LIPT2: variants seen among roughly 807,000 people sequenced by gnomAD.
LIPT2 encodes lipoyl(octanoyl) transferase 2, also known as octanoyl-[acyl-carrier-protein]:protein N-octanoyltransferase LIPT2, mitochondrial.
LIPT2 carries 16 observed loss-of-function variants against 16.2 expected under a neutral mutation model. That is an observed-to-expected ratio of 0.99 (90% confidence interval 0.67 to 1.50). The LOEUF is 1.50. LIPT2 is among the 40% of genes most tolerant of loss of function. The pLI is 0.00. For synonymous variants in LIPT2, 199 were observed against 169.3 expected (o/e 1.18, Z -1.36); for missense variants, 424 against 347.7 (o/e 1.22, Z -1.75).
Position 74,493,329 on chromosome 11 carries a change from G to C in LIPT2, c.375C>G (p.Arg125=). The change falls in exon 1 of 2, where the codon CGC becomes CGG. Residue 125 remains arginine (R), a synonymous_variant. Coordinates refer to ENST00000310109, the MANE Select transcript of LIPT2 (RefSeq NM_001144869.3). ...HVASLEACAV[R]LCELQGLQDA... The stretch of plus-strand genomic sequence containing the variant: ...CCTGCAGGCCCTGGAGCTCGCACAG[G>C]CGCACGGCGCACGCCTCCAGCGACG... 2 of 1,481,620 alleles carry C rather than the reference G, an allele frequency of 1.3e-6. No individual in the cohort carries two copies. The highest frequency in any genetic ancestry group is 1.8e-6 in the Non-Finnish European group (2 of 1,120,964). 91.8% of individuals were successfully genotyped at this position (1,481,620 alleles called of 1,614,324 possible).
At chr11:74,493,122 C>T (rs1458232146) in intron 1 of LIPT2, 116 bp downstream of exon 1, 11 of 684,746 alleles carry the variant, frequency 1.6e-5, no homozygotes, top group Non-Finnish European at 2.1e-5. Flanking sequence ...AAAACCCGCG[C>T]TAGATACGCC....
At position 74,493,535 on chromosome 11, in the gene LIPT2, A is replaced by G; in HGVS notation, c.169T>C (p.Tyr57His). Residue 57 changes from tyrosine (Y) to histidine (H), a missense_variant, in exon 1 of 2, where the codon TAT becomes CAT. Coordinates refer to ENST00000310109, the MANE Select transcript of LIPT2 (RefSeq NM_001144869.3). ...AGGCCGCCGCGCAGCCCGGCCGTAT[A>G]CACGGGCCCCGCGGGCTCGCAGAGC... ...LLLCEPAGPV[Y>H]TAGLRGGLTP... The G allele has an allele frequency of 7.0e-7, 1 of 1,420,460 alleles. No homozygotes were observed. The highest frequency in any genetic ancestry group is 9.2e-7 in the Non-Finnish European group (1 of 1,092,566). The allele number at this position is 1,420,460 out of a possible 1,614,324, so 88.0% of individuals were successfully genotyped here. A position where few individuals can be genotyped will look rare whatever the true frequency, so the allele number is the denominator to read the frequency against.
Position 74,493,554 on chromosome 11 carries a change from G to A in LIPT2, c.150C>T (p.Cys50=), listed in dbSNP as rs1244849825. The A allele has an allele frequency of 4.9e-6, 7 of 1,422,772 alleles. No homozygotes were observed. The South Asian group carries it at 8.6e-5, about 17-fold the overall frequency. The allele number at this position is 1,422,772 out of a possible 1,614,324, so 88.1% of individuals were successfully genotyped here. A position where few individuals can be genotyped will look rare whatever the true frequency, so the allele number is the denominator to read the frequency against. Residue 50 remains cysteine (C), a synonymous_variant, in exon 1 of 2, where the codon TGC becomes TGT. Transcript: ENST00000310109. Reference sequence around the variant, plus strand: ...CCGTATACACGGGCCCCGCGGGCTCGCAGAGCAGGAGCGCGCCCGCCTCAG... The same window carrying A: ...CCGTATACACGGGCCCCGCGGGCTCACAGAGCAGGAGCGCGCCCGCCTCAG... The part of the protein sequence containing the change: ...SGTEAGALLL[C]EPAGPVYTAG...
Position 74,493,326 on chromosome 11 carries a change from C to G in LIPT2, c.378G>C (p.Leu126=), listed in dbSNP as rs541606354. The G allele has an allele frequency of 3.4e-6, 5 of 1,476,412 alleles. No individual in the cohort carries two copies. The highest frequency in any genetic ancestry group is 1.9e-4 in the Middle Eastern group (1 of 5,200). The allele number at this position is 1,476,412 out of a possible 1,614,324, so 91.5% of individuals were successfully genotyped here. A position where few individuals can be genotyped will look rare whatever the true frequency, so the allele number is the denominator to read the frequency against. Residue 126 remains leucine (L), a synonymous_variant, in exon 1 of 2, where the codon CTG becomes CTC. Coordinates refer to ENST00000310109, the MANE Select transcript of LIPT2 (RefSeq NM_001144869.3). The part of the protein sequence containing the change: ...VASLEACAVR[L]CELQGLQDAR... The stretch of plus-strand genomic sequence containing the variant: ...CGTCCTGCAGGCCCTGGAGCTCGCA[C>G]AGGCGCACGGCGCACGCCTCCAGCG...
rs1864319749 is a variant in LIPT2, at chr11:74,490,711, T to A, written c.*1424A>T. Among the ~76,000 whole-genome samples the A allele has an allele frequency of 1.3e-5, 2 of 151,882 alleles. No individual in the cohort carries two copies. Among genetic ancestry groups the A allele is most frequent in the Admixed American group, 1.3e-4 (2 of 15,224 alleles). ...CCTCATTTCTTAAAAAAAATAAAAA[T>A]AAAATAAAATAAAAATAACATCACC... On this transcript the variant is annotated 3_prime_UTR_variant, in exon 2 of 2. Transcript: ENST00000310109.
rs1042011221 is a variant in LIPT2 at position 74,491,288 on chromosome 11, C to G, written c.*847G>C. ...AGCCTTTGAATAAGTGCAGTTCCAG[C>G]TGACATCTTAACTGCAAGTTCGTGT... On this transcript the variant is annotated 3_prime_UTR_variant, in exon 2 of 2. Coordinates refer to ENST00000310109, the MANE Select transcript of LIPT2 (RefSeq NM_001144869.3). 6.6e-6 allele frequency among the ~76,000 whole-genome samples: 1 copy of G among 152,210 alleles called. No individual in the cohort carries two copies. Among genetic ancestry groups the G allele is most frequent in the Non-Finnish European group, 1.5e-5 (1 of 68,042 alleles).
rs966273336 is a variant in LIPT2 at position 74,492,047 on chromosome 11, C to T, written c.*88G>A. 14 of 907,106 alleles carry T rather than the reference C, an allele frequency of 1.5e-5. No individual in the cohort carries two copies. In the African/African-American group the frequency reaches 2.3e-4, roughly 15 times the overall value. The allele number at this position is 907,106 out of a possible 1,614,324, so 56.2% of individuals were successfully genotyped here. A position where few individuals can be genotyped will look rare whatever the true frequency, so the allele number is the denominator to read the frequency against. On this transcript the variant is annotated 3_prime_UTR_variant, in exon 2 of 2. Transcript: ENST00000310109. ...GTTTCATGATCAGTGAATGACAGGCCAGGTCTAAAATCTGGGTTTCAGTAG... is the reference window on the plus strand; with the variant it reads ...GTTTCATGATCAGTGAATGACAGGCTAGGTCTAAAATCTGGGTTTCAGTAG...
rs532163460 is a variant in LIPT2, at chr11:74,492,801, G to A, written c.466+437C>T. Among the ~76,000 whole-genome samples, 5 of 151,936 alleles carry A rather than the reference G, an allele frequency of 3.3e-5. No individual in the cohort carries two copies. In the East Asian group the frequency reaches 9.7e-4, roughly 30 times the overall value. On this transcript the variant is annotated intron_variant, in intron 1 of 1. Coordinates refer to ENST00000310109, the MANE Select transcript of LIPT2 (RefSeq NM_001144869.3). ...CGCCTGTAGCCCCAGCTACTCTGGA[G>A]GCTGAGGCAGGAGAATGGCGTGAAC...
At position 74,491,251 on chromosome 11, in the gene LIPT2, C is replaced by G. The variant is rs1864329600; in HGVS notation, c.*884G>C. On this transcript the variant is annotated 3_prime_UTR_variant, in exon 2 of 2. Coordinates refer to ENST00000310109, the MANE Select transcript of LIPT2 (RefSeq NM_001144869.3). ...ATGCACCATATGGAGCGCTGATCCT[C>G]CAGCCCAGCCAAGCCTTTGAATAAG... is the stretch of plus-strand genomic sequence containing the variant. 6.6e-6 allele frequency among the ~76,000 whole-genome samples: 1 copy of G among 152,194 alleles called. No individual in the cohort carries two copies.
At position 74,493,611 on chromosome 11, in the gene LIPT2, C is replaced by G; in HGVS notation, c.93G>C (p.Gln31His). Residue 31 changes from glutamine to histidine, a missense_variant, in exon 1 of 2, where the codon CAG becomes CAC. Gln to His is a conservative substitution (Grantham distance 24). Coordinates refer to ENST00000310109, the MANE Select transcript of LIPT2 (RefSeq NM_001144869.3). ...GLQDRWLRRL[Q>H]AEPGIEAPSG... Reference sequence around the variant, plus strand: ...ACGGGGCCTCAATGCCTGGCTCGGCCTGCAGCCGCCGCAGCCAGCGGTCCT... The same window carrying G: ...ACGGGGCCTCAATGCCTGGCTCGGCGTGCAGCCGCCGCAGCCAGCGGTCCT... 2.7e-6 allele frequency: 4 copies of G among 1,457,656 alleles called. No homozygotes were observed. The highest frequency in any genetic ancestry group is 3.6e-6 in the Non-Finnish European group (4 of 1,110,660). 90.3% of individuals were successfully genotyped at this position (1,457,656 alleles called of 1,614,324 possible). A position where few individuals can be genotyped will look rare whatever the true frequency, so the allele number is the denominator to read the frequency against.
Position 74,493,656 on chromosome 11 carries a change from G to A in LIPT2, c.48C>T (p.Tyr16=). ...VRLVRLGRVP[Y]AELLGLQDRW... ...GGTCCTGCAGCCCCAGTAGCTCGGCGTACGGCACCCGACCCAGGCGCACCA... is the reference window on the plus strand; with the variant it reads ...GGTCCTGCAGCCCCAGTAGCTCGGCATACGGCACCCGACCCAGGCGCACCA... Residue 16 remains tyrosine (Y), a synonymous_variant, in exon 1 of 2, where the codon TAC becomes TAT. Coordinates refer to ENST00000310109, the MANE Select transcript of LIPT2 (RefSeq NM_001144869.3). The A allele has an allele frequency of 6.9e-7, 1 of 1,449,428 alleles. No homozygotes were observed. The allele number at this position is 1,449,428 out of a possible 1,614,324, so 89.8% of individuals were successfully genotyped here. A position where few individuals can be genotyped will look rare whatever the true frequency, so the allele number is the denominator to read the frequency against.
Position 74,493,333 on chromosome 11 carries a change from A to G in LIPT2, c.371T>C (p.Val124Ala). The G allele has an allele frequency of 6.7e-7, 1 of 1,485,100 alleles. No homozygotes were observed. The highest frequency in any genetic ancestry group is 8.9e-7 in the Non-Finnish European group (1 of 1,122,840). The allele number at this position is 1,485,100 out of a possible 1,614,324, so 92.0% of individuals were successfully genotyped here. A position where few individuals can be genotyped will look rare whatever the true frequency, so the allele number is the denominator to read the frequency against. ...MHVASLEACAVRLCELQGLQD... is the reference protein window; with the variant it reads ...MHVASLEACAARLCELQGLQD... ...CAGGCCCTGGAGCTCGCACAGGCGC[A>G]CGGCGCACGCCTCCAGCGACGCTAC... is the stretch of plus-strand genomic sequence containing the variant. The change falls in exon 1 of 2, where the codon GTG becomes GCG. Residue 124 changes from valine to alanine, a missense_variant. By Grantham distance (64) the Val-to-Ala change is moderately conservative. Coordinates refer to ENST00000310109, the MANE Select transcript of LIPT2 (RefSeq NM_001144869.3).
rs1193887070 is a variant in LIPT2 at position 74,493,676 on chromosome 11, G to T, written c.28C>A (p.Arg10Ser). MRQPAVRLVRLGRVPYAELL... is the reference protein window; with the variant it reads MRQPAVRLVSLGRVPYAELL... ...TCGGCGTACGGCACCCGACCCAGGCGCACCAACCGAACGGCGGGTTGCCGC... is the reference window on the plus strand; with the variant it reads ...TCGGCGTACGGCACCCGACCCAGGCTCACCAACCGAACGGCGGGTTGCCGC... The change falls in exon 1 of 2, where the codon CGC becomes AGC. Residue 10 changes from arginine to serine, a missense_variant. Coordinates refer to ENST00000310109, the MANE Select transcript of LIPT2 (RefSeq NM_001144869.3). The T allele has an allele frequency of 7.1e-6, 10 of 1,411,062 alleles. No individual in the cohort carries two copies. The highest frequency in any genetic ancestry group is 9.2e-6 in the Non-Finnish European group (10 of 1,088,906). 87.4% of individuals were successfully genotyped at this position (1,411,062 alleles called of 1,614,324 possible). A position where few individuals can be genotyped will look rare whatever the true frequency, so the allele number is the denominator to read the frequency against.
chr11:74,493,343 C>A lies in LIPT2; in HGVS notation c.361G>T (p.Ala121Ser), dbSNP rs1213416149. ...RLRMHVASLEACAVRLCELQG... is the reference protein window; with the variant it reads ...RLRMHVASLESCAVRLCELQG... The stretch of plus-strand genomic sequence containing the variant: ...AGCTCGCACAGGCGCACGGCGCACG[C>A]CTCCAGCGACGCTACGTGCATGCGC... The change falls in exon 1 of 2, where the codon GCG (alanine) becomes TCG (serine). Residue 121 changes from alanine (A) to serine (S), a missense_variant. By Grantham distance (99) the Ala-to-Ser change is moderately conservative (BLOSUM62 1). Transcript: ENST00000310109. 3 of 1,501,486 alleles carry A rather than the reference C, an allele frequency of 2.0e-6. No homozygotes were observed. Among genetic ancestry groups the A allele is most frequent in the Non-Finnish European group, 2.7e-6 (3 of 1,131,736 alleles). 93.0% of individuals were successfully genotyped at this position (1,501,486 alleles called of 1,614,324 possible). A position where few individuals can be genotyped will look rare whatever the true frequency, so the allele number is the denominator to read the frequency against.
chr11:74,491,841 C>T lies in LIPT2; in HGVS notation c.*294G>A. 2.8e-6 allele frequency: 1 copy of T among 353,016 alleles called. No individual in the cohort carries two copies. Among genetic ancestry groups the T allele is most frequent in the South Asian group, 3.3e-5 (1 of 30,518 alleles). 21.9% of individuals were successfully genotyped at this position (353,016 alleles called of 1,614,324 possible). On this transcript the variant is annotated 3_prime_UTR_variant, in exon 2 of 2. Coordinates refer to ENST00000310109, the MANE Select transcript of LIPT2 (RefSeq NM_001144869.3). ...TATGACATCAACAATCGAGAAATAA[C>T]AATCTATGACATCTGAATTTCTCTG...
At position 74,491,267 on chromosome 11, in the gene LIPT2, T is replaced by G. The variant is rs1864329878; in HGVS notation, c.*868A>C. Among the ~76,000 whole-genome samples the G allele has an allele frequency of 6.6e-6, 1 of 152,200 alleles. No individual in the cohort carries two copies. On this transcript the variant is annotated 3_prime_UTR_variant, in exon 2 of 2. Transcript: ENST00000310109. ...GCTGATCCTCCAGCCCAGCCAAGCC[T>G]TTGAATAAGTGCAGTTCCAGCTGAC...
In LIPT2 at chr11:74,491,575, T is replaced by C. The variant is rs182955376; in HGVS notation, c.*560A>G. The C allele has an allele frequency of 8.2e-4, 126 of 153,780 alleles. No homozygotes were observed. The highest frequency in any genetic ancestry group is 3.4e-3 in the Middle Eastern group (1 of 294). The allele number at this position is 153,780 out of a possible 1,614,324, so 9.5% of individuals were successfully genotyped here. ...GGTAACCCAACTAAAAACTGCTAAA[T>C]TATCAAACTTGGGGAATCAAACCCA... On this transcript the variant is annotated 3_prime_UTR_variant, in exon 2 of 2. Coordinates refer to ENST00000310109, the MANE Select transcript of LIPT2 (RefSeq NM_001144869.3).
chr11:74,493,662 C>T lies in LIPT2; in HGVS notation c.42G>A (p.Val14=), dbSNP rs1032614576. The change falls in exon 1 of 2, where the codon GTG becomes GTA. Residue 14 remains valine (V), a synonymous_variant. Coordinates refer to ENST00000310109, the MANE Select transcript of LIPT2 (RefSeq NM_001144869.3). ...GCAGCCCCAGTAGCTCGGCGTACGGCACCCGACCCAGGCGCACCAACCGAA... is the reference window on the plus strand; with the variant it reads ...GCAGCCCCAGTAGCTCGGCGTACGGTACCCGACCCAGGCGCACCAACCGAA... ...PAVRLVRLGR[V]PYAELLGLQD... is the part of the protein sequence containing the mutation. 5.6e-6 allele frequency: 8 copies of T among 1,432,678 alleles called. No homozygotes were observed. Among genetic ancestry groups the T allele is most frequent in the Admixed American group, 2.8e-5 (1 of 35,166 alleles). The allele number at this position is 1,432,678 out of a possible 1,614,324, so 88.7% of individuals were successfully genotyped here.
rs1198308422 is a variant in LIPT2, at chr11:74,493,350, C to T, written c.354G>A (p.Ser118=). 12 of 1,503,238 alleles carry T rather than the reference C, an allele frequency of 8.0e-6. No individual in the cohort carries two copies. Among genetic ancestry groups the T allele is most frequent in the Non-Finnish European group, 1.1e-5 (12 of 1,132,626 alleles). 93.1% of individuals were successfully genotyped at this position (1,503,238 alleles called of 1,614,324 possible). The stretch of plus-strand genomic sequence containing the variant: ...ACAGGCGCACGGCGCACGCCTCCAG[C>T]GACGCTACGTGCATGCGCAAGCGCA... ...LGLRLRMHVA[S]LEACAVRLCE... Residue 118 remains serine (S), a synonymous_variant, in exon 1 of 2, where the codon TCG becomes TCA. Coordinates refer to ENST00000310109, the MANE Select transcript of LIPT2 (RefSeq NM_001144869.3).
Sources: gnomAD v4.1 joint callset for allele counts (sites outside exome capture counted in the v4.1 genomes callset) on GRCh38, gnomAD v4.1.1 for gene constraint, MANE v1.5 for transcripts, NCBI Gene and HGNC (gene_info 2026-07-23, HGNC 2026-07-21) for gene names.